Variants in WDR41 observed in about 807,000 individuals in gnomAD.
WDR41 encodes WD repeat-containing protein 41.
Under a neutral mutation model 69.3 loss-of-function variants are expected in WDR41, and 63 were observed. That is an observed-to-expected ratio of 0.91 (90% confidence interval 0.74 to 1.12). The LOEUF is 1.12. WDR41 is among the 50% of genes most tolerant of loss of function. WDR41 has a pLI of 0.00. For synonymous variants in WDR41, 185 were observed against 192.1 expected (o/e 0.96, Z 0.31); for missense variants, 543 against 534.5 (o/e 1.02, Z -0.16).
chr5:77,522,438 G>C (rs1363638345), intron 1 of WDR41, among the ~76,000 whole-genome samples: 2 of 152,122 alleles, frequency 1.3e-5, no homozygotes, highest in Middle Eastern at 3.2e-3. Flanking sequence ...TCAGGAGATT[G>C]AGACCATCCT....
At chr5:77,492,320 A>T (rs1457355344), upstream of WDR41, 3 of 1,485,866 alleles carry the variant, frequency 2.0e-6, no homozygotes, top group Admixed American at 3.7e-5. Flanking sequence ...CGCAACTGAG[A>T]CGCTAATACT....
intron 2 of WDR41, among the ~76,000 whole-genome samples, chr5:77,478,918 T>C (rs1801094508): frequency 6.6e-6 from 1 of 151,858 alleles, no homozygotes. Context: ...ATTGTATATC[T>C]AGAAAACCCC....
chr5:77,489,416 C>A, intron 2 of WDR41, 41 bp downstream of exon 2: 1 of 1,306,056 alleles, frequency 7.7e-7, no homozygotes, highest in Non-Finnish European at 1.1e-6. Flanking sequence ...CCTAAAACCT[C>A]TTCCCAAACA....
At position 77,574,784 on chromosome 5, in the gene WDR41, A is replaced by G. The variant is rs140718682; in HGVS notation, c.42+45695T>C. On this transcript the variant is annotated intron_variant, in intron 1 of 5. Transcript: ENST00000509971. ...GATCTACAGTAGGTCTTAAAACACA[A>G]TTTCCCATACAACCCAACATTTCCA... Among the ~76,000 whole-genome samples, 752 of 152,262 alleles carry G rather than the reference A, an allele frequency of 4.9e-3. 2 individuals are homozygous for G. The highest frequency in any genetic ancestry group is 0.017 in the African/African-American group (724 of 41,562).
chr5:77,476,608 C>T (rs929906746), intron 2 of WDR41, among the ~76,000 whole-genome samples: 1 of 151,752 alleles, frequency 6.6e-6, no homozygotes, highest in South Asian at 2.1e-4. Context: ...AAATACTTTA[C>T]AGACAAGCAA....
chr5:77,613,253 C>T lies in WDR41; in HGVS notation c.42+7226G>A, dbSNP rs1482587143. ...TTTATAGATTCAATGCCATTCCCATCAAGCTACCAATGACTTTCTTCACAG... is the reference window on the plus strand; with the variant it reads ...TTTATAGATTCAATGCCATTCCCATTAAGCTACCAATGACTTTCTTCACAG... On this transcript the variant is annotated intron_variant, in intron 1 of 5. Transcript: ENST00000509971. Among the ~76,000 whole-genome samples the T allele has an allele frequency of 5.3e-5, 8 of 152,106 alleles. No individual in the cohort carries two copies. The South Asian group carries it at 1.7e-3, about 31-fold the overall frequency.
At chr5:77,478,264 A>C (rs1309957922) in intron 2 of WDR41, among the ~76,000 whole-genome samples, 6 of 152,286 alleles carry the variant, frequency 3.9e-5, no homozygotes, top group Admixed American at 1.3e-4. Flanking sequence ...GAACTGGTAC[A>C]ATTCCTTCTG....
intron 1 of WDR41, among the ~76,000 whole-genome samples, chr5:77,529,397 C>G (rs1042331099): frequency 6.6e-6 from 1 of 151,358 alleles, no homozygotes; most frequent in Non-Finnish European, 1.5e-5. Flanking sequence ...TGGAGAGATA[C>G]ACCACGTTCA....
intron 1 of WDR41, among the ~76,000 whole-genome samples, chr5:77,603,008 G>A (rs968103933): frequency 2.7e-5 from 4 of 148,278 alleles, no homozygotes; most frequent in Admixed American, 1.4e-4. Flanking sequence ...GCTCAATCTC[G>A]ACTCCTGCAA....
intron 1 of WDR41, chr5:77,499,661 G>C (rs1387752515): frequency 6.6e-6 from 1 of 152,198 alleles, no homozygotes; most frequent in Non-Finnish European, 1.5e-5. Flanking sequence ...TTTCCAAAAA[G>C]GGAAACCCCA....
intron 8 of WDR41, among the ~76,000 whole-genome samples, chr5:77,449,340 T>A (rs1481097627): frequency 6.6e-6 from 1 of 152,232 alleles, no homozygotes; most frequent in Non-Finnish European, 1.5e-5. Context: ...CTGGCTTGAA[T>A]CCTGCTCATT....
intron 2 of WDR41, among the ~76,000 whole-genome samples, chr5:77,471,774 C>A (rs919597601): frequency 2.0e-5 from 3 of 151,976 alleles, no homozygotes; most frequent in African/African-American, 4.8e-5. Context: ...CTGAAATTGA[C>A]GCAATAATTA....
intron 1 of WDR41, among the ~76,000 whole-genome samples, chr5:77,616,315 T>C (rs1404080453): frequency 6.6e-6 from 1 of 152,184 alleles, no homozygotes; most frequent in East Asian, 1.9e-4. Flanking sequence ...TTAAGCCCTT[T>C]CAACAGCTTT....
At chr5:77,480,826 A>T (rs75063550) in intron 2 of WDR41, among the ~76,000 whole-genome samples, 5 of 27,268 alleles carry the variant, frequency 1.8e-4, no homozygotes, top group African/African-American at 6.8e-4. Context: ...AAGTATAATT[A>T]AAAAAAAAAA....
intron 1 of WDR41, among the ~76,000 whole-genome samples, chr5:77,566,130 A>G (rs1417622581): frequency 6.6e-6 from 1 of 152,020 alleles, no homozygotes; most frequent in Admixed American, 6.6e-5. Flanking sequence ...TGAGCTTAAT[A>G]CCATTCATAA....
intron 1 of WDR41, among the ~76,000 whole-genome samples, chr5:77,585,202 G>A (rs997597943): frequency 1.7e-4 from 26 of 151,562 alleles, no homozygotes; most frequent in Middle Eastern, 3.5e-3. Flanking sequence ...TATACAAATG[G>A]CCAAGAAACA....
At chr5:77,606,658 C>G (rs557832643) in intron 1 of WDR41, among the ~76,000 whole-genome samples, 1 of 151,820 alleles carries the variant, frequency 6.6e-6, no homozygotes, top group South Asian at 2.1e-4. Flanking sequence ...AAAAAATTAT[C>G]CAGGTGTGGT....
intron 1 of WDR41, among the ~76,000 whole-genome samples, chr5:77,607,854 T>C (rs1293181985): frequency 1.3e-5 from 2 of 152,250 alleles, no homozygotes; most frequent in African/African-American, 4.8e-5. Context: ...TAATTGCCTA[T>C]ATTTATATTC....
At chr5:77,604,814 A>G (rs1744386892) in intron 1 of WDR41, among the ~76,000 whole-genome samples, 1 of 152,208 alleles carries the variant, frequency 6.6e-6, no homozygotes, top group Non-Finnish European at 1.5e-5. Flanking sequence ...AAAAAAAATG[A>G]GAAAGCTCTT....
Sources: allele counts gnomAD v4.1 joint callset (sites outside exome capture counted in the v4.1 genomes callset), GRCh38; gene constraint gnomAD v4.1.1; transcripts MANE v1.5; gene names NCBI Gene and HGNC (gene_info 2026-07-23, HGNC 2026-07-21).